Variants in HERC3 observed in about 807,000 individuals in gnomAD.
The protein encoded by HERC3 is probable E3 ubiquitin-protein ligase HERC3.
HERC3 carries 58 observed loss-of-function variants against 129.9 expected under a neutral mutation model. The observed-to-expected ratio is 0.45, with a 90% CI of 0.36 to 0.56. HERC3 has a LOEUF of 0.56. Among genes scored for constraint, HERC3 ranks in the 20% least tolerant of loss-of-function variants. HERC3 has a pLI of 0.00. For missense variants in HERC3, 835 were observed against 1,244.2 expected (o/e 0.67, Z 4.95); for synonymous variants, 430 against 451.0 (o/e 0.95, Z 0.59).
chr4:88,697,891 T>A, intron 23 of HERC3: 1 of 1,235,908 alleles, frequency 8.1e-7, no homozygotes, highest in Non-Finnish European at 1.1e-6. Flanking sequence ...CGGCCCCGCC[T>A]CCTGCTTTCG....
chr4:88,616,599 A>G (rs550971445), intron 3 of HERC3, among the ~76,000 whole-genome samples: 1 of 152,246 alleles, frequency 6.6e-6, no homozygotes, highest in South Asian at 2.1e-4. Context: ...AATGCAAGTG[A>G]TTTTCCTTTC....
chr4:88,658,594 T>G, intron 10 of HERC3, 103 bp downstream of exon 10: 1 of 582,166 alleles, frequency 1.7e-6, no homozygotes. Context: ...TACTCTTTGT[T>G]TCTACCAATC....
chr4:88,693,198 T>TC (rs551095775), intron 23 of HERC3: 14 of 982,176 alleles, frequency 1.4e-5, no homozygotes, highest in East Asian at 1.1e-4. Flanking sequence ...TTTTTTCTCT[T>TC]CCCCCCCACC....
intron 2 of HERC3, among the ~76,000 whole-genome samples, chr4:88,603,963 GAA>G (rs1723316835): frequency 6.6e-6 from 1 of 151,824 alleles, no homozygotes; most frequent in Non-Finnish European, 1.5e-5. Flanking sequence ...CAAGAGAAAG[GAA>G]ATTTAAAGAC....
At chr4:88,676,301 G>A (rs1480467842) in intron 17 of HERC3, 33 bp from the exon 18 acceptor site, 1 of 1,569,694 alleles carries the variant, frequency 6.4e-7, no homozygotes, top group Non-Finnish European at 8.8e-7. Flanking sequence ...CTGTGGAATA[G>A]TATAATACTG....
the HERC3 span, among the ~76,000 whole-genome samples, chr4:88,565,513 C>T: frequency 2.0e-5 from 3 of 151,956 alleles, no homozygotes; most frequent in Admixed American, 6.6e-5. Context: ...TAGTTTTTGT[C>T]TTGAAATCTA....
intron 2 of HERC3, among the ~76,000 whole-genome samples, chr4:88,595,841 C>CTTTTTTTT (rs532515500): frequency 1.2e-5 from 1 of 80,250 alleles, no homozygotes. Flanking sequence ...GCACTTAATT[C>CTTTTTTTT]TTTTTTTTTT....
At chr4:88,693,735 A>G (rs1734310298) in intron 23 of HERC3, 1 of 969,814 alleles carries the variant, frequency 1.0e-6, no homozygotes, top group South Asian at 4.8e-5. Flanking sequence ...CTGCCATGCC[A>G]TTTTTCACAG....
intron 16 of HERC3, among the ~76,000 whole-genome samples, chr4:88,675,559 T>G (rs1268656763): frequency 6.6e-6 from 1 of 152,106 alleles, no homozygotes; most frequent in Non-Finnish European, 1.5e-5. Context: ...GTTACGTAAC[T>G]TAACAAAAAG....
At chr4:88,566,491 C>A in the HERC3 span, among the ~76,000 whole-genome samples, 1 of 152,080 alleles carries the variant, frequency 6.6e-6, no homozygotes, top group South Asian at 2.1e-4. Flanking sequence ...TATTTTTGAT[C>A]AACTCATCTT....
In HERC3 at chr4:88,668,223, T is replaced by C. The variant is rs1224574279; in HGVS notation, c.1633+142T>C. On this transcript the variant is annotated intron_variant, in intron 14 of 25. Coordinates refer to ENST00000402738, the MANE Select transcript of HERC3 (RefSeq NM_014606.3). ...ACACTTAAAACCTTTTTTTCTTTGC[T>C]GTTAATTTTTAGCTAACCCTATTTT... 6.4e-6 allele frequency: 4 copies of C among 621,190 alleles called. No individual in the cohort carries two copies. The East Asian group carries it at 1.2e-4, about 19-fold the overall frequency. The allele number at this position is 621,190 out of a possible 1,614,324, so 38.5% of individuals were successfully genotyped here. A position where few individuals can be genotyped will look rare whatever the true frequency, so the allele number is the denominator to read the frequency against.
chr4:88,550,375 C>A, the HERC3 span, among the ~76,000 whole-genome samples: 9 of 152,166 alleles, frequency 5.9e-5, no homozygotes, highest in Non-Finnish European at 1.2e-4. Flanking sequence ...GACTGTATAT[C>A]TAGAAAACCC....
chr4:88,555,101 T>A, the HERC3 span, among the ~76,000 whole-genome samples: 3 of 152,004 alleles, frequency 2.0e-5, no homozygotes, highest in Admixed American at 6.5e-5. Flanking sequence ...CTGGCCAACA[T>A]GGTGAAACCC....
chr4:88,560,798 C>A, the HERC3 span, among the ~76,000 whole-genome samples: 1 of 152,006 alleles, frequency 6.6e-6, no homozygotes, highest in Non-Finnish European at 1.5e-5. Context: ...CATTCTTCTG[C>A]CTATAGAAAT....
intron 3 of HERC3, among the ~76,000 whole-genome samples, chr4:88,617,153 C>CAATATA (rs1268310618): frequency 1.0e-5 from 1 of 99,676 alleles, no homozygotes; most frequent in African/African-American, 4.0e-5. Flanking sequence ...CCAGCCTGTG[C>CAATATA]AATATAGTAA....
Position 88,659,297 on chromosome 4 carries a change from A to AG in HERC3, c.1146+808dup, listed in dbSNP as rs1176769636. 4.6e-5 allele frequency among the ~76,000 whole-genome samples: 7 copies of AG among 152,230 alleles called. 1 individual carries two copies. Among genetic ancestry groups the AG allele is most frequent in the African/African-American group, 1.7e-4 (7 of 41,458 alleles). ...GGGAATGGGCTGTTAGTGAAGAAAA[A>AG]GGAGTCAGAATTGACTGGGAAGATA... On this transcript the variant is annotated intron_variant, in intron 10 of 25. Transcript: ENST00000402738.
Position 88,704,162 on chromosome 4 carries a change from G to T in HERC3, c.2722G>T (p.Ala908Ser). ...AATCTCAGTTCATGAATGGTACACA[G>T]CCTTCTCTAGTGGCTTCCTAAAGGT... ...FQISVHEWYT[A>S]FSSGFLKVCG... Residue 908 changes from alanine (A) to serine (S), a missense_variant, in exon 24 of 26, where the codon GCC (alanine) becomes TCC (serine). By Grantham distance (99) the Ala-to-Ser change is moderately conservative. Transcript: ENST00000402738. 3 of 1,614,168 alleles carry T rather than the reference G, an allele frequency of 1.9e-6. No individual in the cohort carries two copies. The highest frequency in any genetic ancestry group is 1.1e-5 in the South Asian group (1 of 91,088).
At chr4:88,556,149 A>G in the HERC3 span, among the ~76,000 whole-genome samples, 3 of 152,150 alleles carry the variant, frequency 2.0e-5, no homozygotes, top group Non-Finnish European at 4.4e-5. Context: ...CTTTTCAAAC[A>G]TCTTGCATTC....
intron 11 of HERC3, 106 bp downstream of exon 11, chr4:88,662,661 G>T: frequency 8.5e-7 from 1 of 1,182,254 alleles, no homozygotes; most frequent in Non-Finnish European, 1.2e-6. Context: ...ATGTAAATGG[G>T]GTTTTACATT....
Sources: gnomAD v4.1 joint callset for allele counts (sites outside exome capture counted in the v4.1 genomes callset) on GRCh38, gnomAD v4.1.1 for gene constraint, MANE v1.5 for transcripts, NCBI Gene and HGNC (gene_info 2026-07-23, HGNC 2026-07-21) for gene names.